Variants in BTBD7 observed in about 807,000 individuals in gnomAD.
BTBD7 encodes the protein BTB domain containing 7, also known as BTB/POZ domain-containing protein 7.
In BTBD7, 38 loss-of-function variants were observed where a neutral mutation model predicts 99.9. That is an observed-to-expected ratio of 0.38 (90% CI 0.29 to 0.50). BTBD7 has a LOEUF of 0.50. Among genes scored for constraint, BTBD7 ranks in the 20% least tolerant of loss-of-function variants. The probability of loss-of-function intolerance (pLI) is 0.93; values close to 1 mark genes in which losing one functional copy is unlikely to be tolerated. For missense variants in BTBD7, 1,170 were observed against 1,394.6 expected (o/e 0.84, Z 2.57); for synonymous variants, 520 against 511.4 (o/e 1.02, Z -0.23).
intron 3 of BTBD7, among the ~76,000 whole-genome samples, chr14:93,266,133 G>A (rs1341936754): frequency 6.6e-6 from 1 of 151,976 alleles, no homozygotes; most frequent in Non-Finnish European, 1.5e-5. Context: ...GCAGATGATG[G>A]TTGGCTTAAC....
intron 3 of BTBD7, among the ~76,000 whole-genome samples, chr14:93,291,837 A>C (rs933128219): frequency 1.3e-5 from 2 of 152,096 alleles, no homozygotes; most frequent in Non-Finnish European, 2.9e-5. Context: ...TAGATAAATA[A>C]TCAAGTATTA....
At chr14:93,276,090 C>T (rs899534447) in intron 3 of BTBD7, among the ~76,000 whole-genome samples, 4 of 152,144 alleles carry the variant, frequency 2.6e-5, no homozygotes, top group Admixed American at 2.6e-4. Context: ...GTGGCATATG[C>T]CTGTAGTCCC....
At chr14:93,296,353 T>C (rs1263596298) in intron 1 of BTBD7, among the ~76,000 whole-genome samples, 196 bp from the exon 2 acceptor site, 1 of 152,214 alleles carries the variant, frequency 6.6e-6, no homozygotes, top group Admixed American at 6.5e-5. Flanking sequence ...CCATAAAATG[T>C]ACCAATTATA....
intron 10 of BTBD7, 40 bp downstream of exon 10, chr14:93,245,785 T>C (rs767519544): frequency 1.3e-6 from 2 of 1,579,524 alleles, no homozygotes; most frequent in South Asian, 1.2e-5. Context: ...TAATTCTCCA[T>C]AAACCGAATT....
intron 3 of BTBD7, among the ~76,000 whole-genome samples, chr14:93,273,339 G>A (rs1192250089): frequency 6.6e-6 from 1 of 152,214 alleles, no homozygotes; most frequent in South Asian, 2.1e-4. Flanking sequence ...AGAATGACAG[G>A]CTCAGGTTAG....
intron 5 of BTBD7, among the ~76,000 whole-genome samples, chr14:93,261,141 G>GT (rs927988460): frequency 2.4e-4 from 37 of 152,264 alleles, no homozygotes; most frequent in African/African-American, 8.7e-4. Context: ...GCCTGTACTC[G>GT]TATTTTTAAA....
intron 1 of BTBD7, 87 bp downstream of exon 1, chr14:93,332,733 G>C (rs1433545991): frequency 7.1e-7 from 1 of 1,405,344 alleles, no homozygotes; most frequent in Non-Finnish European, 9.2e-7. Flanking sequence ...CCACGCCTAA[G>C]AACAGCCCCT....
At position 93,285,755 on chromosome 14, in the gene BTBD7, G is replaced by A. The variant is rs184373805; in HGVS notation, c.1162+8103C>T. The stretch of plus-strand genomic sequence containing the variant: ...TGATCAAACATGTGCTCCTTCTTTG[G>A]AGACTCTTCCAATCTAGTCATCTCT... On this transcript the variant is annotated intron_variant, in intron 3 of 10. Transcript: ENST00000334746. Among the ~76,000 whole-genome samples, 108 of 152,226 alleles carry A rather than the reference G, an allele frequency of 7.1e-4. 1 individual carries two copies. The East Asian group carries it at 0.014, about 20-fold the overall frequency.
chr14:93,306,784 T>G (rs1192370184), intron 1 of BTBD7, among the ~76,000 whole-genome samples: 1 of 152,238 alleles, frequency 6.6e-6, no homozygotes, highest in East Asian at 1.9e-4. Context: ...GATCTGAGTC[T>G]GAGTGTTCTC....
chr14:93,268,586 ATTAC>A (rs969530542), intron 3 of BTBD7, among the ~76,000 whole-genome samples: 4 of 152,138 alleles, frequency 2.6e-5, no homozygotes, highest in African/African-American at 9.7e-5. Flanking sequence ...GTGTATTATT[ATTAC>A]TATTATTATC....
At chr14:93,258,741 C>T (rs147022902) in intron 5 of BTBD7, among the ~76,000 whole-genome samples, 2,627 of 152,268 alleles carry the variant, frequency 0.017, 67 homozygotes, top group African/African-American at 0.06. Context: ...CCCGCCACCA[C>T]ACGCAGCTAA....
chr14:93,316,783 T>C (rs2053211924), intron 1 of BTBD7, among the ~76,000 whole-genome samples: 1 of 152,174 alleles, frequency 6.6e-6, no homozygotes, highest in South Asian at 2.1e-4. Flanking sequence ...ATATTCAAGA[T>C]GGTAAAGTGA....
chr14:93,325,717 T>C (rs2053323197), intron 1 of BTBD7, among the ~76,000 whole-genome samples: 1 of 147,664 alleles, frequency 6.8e-6, no homozygotes, highest in East Asian at 2.0e-4. Context: ...AGAATCTAAA[T>C]GGAGGTTTGA....
intron 10 of BTBD7, among the ~76,000 whole-genome samples, chr14:93,243,343 G>A (rs577983245): frequency 3.5e-4 from 53 of 151,938 alleles, no homozygotes; most frequent in Admixed American, 2.6e-4. Flanking sequence ...ACAGGTGCCC[G>A]CCACCACGCC....
chr14:93,321,185 ACT>A (rs929162907), intron 1 of BTBD7, among the ~76,000 whole-genome samples: 1 of 152,016 alleles, frequency 6.6e-6, no homozygotes, highest in African/African-American at 2.4e-5. Flanking sequence ...TAATCAAAAC[ACT>A]CTCTCCCTCA....
At chr14:93,286,143 G>GA (rs1356302722) in intron 3 of BTBD7, among the ~76,000 whole-genome samples, 3 of 152,168 alleles carry the variant, frequency 2.0e-5, no homozygotes, top group Non-Finnish European at 2.9e-5. Context: ...TCTGCTTCCA[G>GA]AAAAAATTCT....
intron 3 of BTBD7, among the ~76,000 whole-genome samples, chr14:93,290,770 A>G (rs1244602517): frequency 6.6e-6 from 1 of 151,814 alleles, no homozygotes; most frequent in Non-Finnish European, 1.5e-5. Flanking sequence ...AGCTCACTGC[A>G]ACCTCCATCT....
At chr14:93,303,546 C>T (rs2053031029) in intron 1 of BTBD7, among the ~76,000 whole-genome samples, 1 of 152,204 alleles carries the variant, frequency 6.6e-6, no homozygotes, top group Non-Finnish European at 1.5e-5. Context: ...GGACTTGGGC[C>T]TGTGCCAGGT....
intron 3 of BTBD7, among the ~76,000 whole-genome samples, chr14:93,268,546 T>C (rs949209530): frequency 2.0e-5 from 3 of 152,192 alleles, no homozygotes; most frequent in Non-Finnish European, 4.4e-5. Context: ...CTTTAGAATA[T>C]TTAATTTTAG....
Sources: allele counts gnomAD v4.1 joint callset (sites outside exome capture counted in the v4.1 genomes callset), GRCh38; gene constraint gnomAD v4.1.1; transcripts MANE v1.5; gene names NCBI Gene and HGNC (gene_info 2026-07-23, HGNC 2026-07-21).